Variants in CAMTA1 observed in about 807,000 individuals in gnomAD.
CAMTA1 encodes the protein calmodulin binding transcription activator 1.
Under a neutral mutation model 170.9 loss-of-function variants are expected in CAMTA1, and 27 were observed. That is an observed-to-expected ratio of 0.16 (90% CI 0.12 to 0.22). The LOEUF (loss-of-function observed/expected upper bound fraction) is 0.22, where lower values mean the gene tolerates loss of function less well. Among genes scored for constraint, CAMTA1 ranks in the 10% least tolerant of loss-of-function variants. The pLI, the probability that CAMTA1 is intolerant of heterozygous loss-of-function variation, is 1.00. For missense variants in CAMTA1, 1,619 were observed against 2,217.2 expected, an observed-to-expected ratio of 0.73 and a Z score of 5.42; for synonymous variants, 833 against 891.5, an observed-to-expected ratio of 0.93 and a Z score of 1.17.
intron 4 of CAMTA1, among the ~76,000 whole-genome samples, chr1:7,102,655 C>T (rs989815594): frequency 2.0e-5 from 3 of 152,094 alleles, no homozygotes; most frequent in Non-Finnish European, 2.9e-5. Flanking sequence ...CAGCCTGCAC[C>T]GTGAAATGTG....
rs367848023 is a variant in CAMTA1 at position 7,732,538 on chromosome 1, C to G, written c.3005C>G (p.Ala1002Gly). 1 of 1,613,446 alleles carries G rather than the reference C, an allele frequency of 6.2e-7. No individual in the cohort carries two copies. Among genetic ancestry groups the G allele is most frequent in the Non-Finnish European group, 8.5e-7 (1 of 1,179,912 alleles). Reference protein sequence around the residue: ...EMTGSQQHKQASGGGSSGGGS... With the variant: ...EMTGSQQHKQGSGGGSSGGGS... ...ACGGGGTCCCAGCAGCACAAACAGG[C>G]GAGCGGAGGCGGCAGCAGTGGAGGC... Residue 1002 changes from alanine (A) to glycine (G), a missense_variant, in exon 12 of 23, where the codon GCG becomes GGG. Physicochemically the swap from Ala to Gly is moderately conservative, Grantham distance 60 (BLOSUM62 0). Coordinates refer to ENST00000303635, the MANE Select transcript of CAMTA1 (RefSeq NM_015215.4). The surrounding 1 kb of genome is among the most constrained non-coding windows in gnomAD (Gnocchi z 4.1).
chr1:7,037,525 G>A lies in CAMTA1; in HGVS notation c.235-53779G>A, dbSNP rs546938690. Among the ~76,000 whole-genome samples, 205 of 152,286 alleles carry A rather than the reference G, an allele frequency of 1.3e-3. 2 individuals are homozygous for A. Among genetic ancestry groups the A allele is most frequent in the Non-Finnish European group, 2.5e-3 (168 of 68,034 alleles). ...TATGCTACTTCGAAAAATGGACAGT[G>A]TTTTCGTTAAGTTTTAGATAAATTT... On this transcript the variant is annotated intron_variant, in intron 3 of 22. Coordinates refer to ENST00000303635, the MANE Select transcript of CAMTA1 (RefSeq NM_015215.4).
intron 6 of CAMTA1, among the ~76,000 whole-genome samples, chr1:7,601,543 G>A (rs1435459644): frequency 3.9e-5 from 6 of 152,244 alleles, no homozygotes; most frequent in African/African-American, 1.4e-4. Context: ...CAGGGTGGCG[G>A]CCGGGCAGAG....
chr1:6,828,217 A>T (rs1647972145), intron 3 of CAMTA1, among the ~76,000 whole-genome samples: 1 of 150,186 alleles, frequency 6.7e-6, no homozygotes, highest in Admixed American at 6.6e-5. Context: ...CTGTGTTTAA[A>T]TATTTGTGAT....
chr1:7,424,296 G>A (rs2091753714), intron 5 of CAMTA1, among the ~76,000 whole-genome samples: 2 of 152,104 alleles, frequency 1.3e-5, no homozygotes, highest in South Asian at 4.1e-4. Flanking sequence ...CCAAATTAGA[G>A]GTCCTCCCCA....
rs1285071931 is a variant in CAMTA1, at chr1:7,736,540, G to A, written c.3263G>A (p.Arg1088His). The A allele has an allele frequency of 6.2e-7, 1 of 1,613,646 alleles. No homozygotes were observed. Among genetic ancestry groups the A allele is most frequent in the Non-Finnish European group, 8.5e-7 (1 of 1,179,726 alleles). The change falls in exon 13 of 23, where the codon CGT becomes CAT. Residue 1088 changes from arginine to histidine, a missense_variant and splice_region_variant. By Grantham distance (29) the Arg-to-His change is conservative. Transcript: ENST00000303635. This position sits in a 1 kb window ranked among gnomAD's most constrained non-coding sequence, Gnocchi z 4.5. The part of the protein sequence containing the change: ...ATLIQTLIKW[R>H]TKHADSIDLE... Reference sequence around the variant, plus strand: ...CTAATCCAGACCCTCATCAAATGGCGGTAAGGCTGTGGTGCAGCTGGCTGG... The same window carrying A: ...CTAATCCAGACCCTCATCAAATGGCAGTAAGGCTGTGGTGCAGCTGGCTGG...
chr1:7,044,079 C>T lies in CAMTA1; in HGVS notation c.235-47225C>T, dbSNP rs1335499597. On this transcript the variant is annotated intron_variant, in intron 3 of 22. Transcript: ENST00000303635. This position sits in a 1 kb window ranked among gnomAD's most constrained non-coding sequence, Gnocchi z 5.0. ...AGCGGAGGTCAGGAGCAGTGATCTACGGGAGATGCTGCCGCCATCCCCTTC... is the reference window on the plus strand; with the variant it reads ...AGCGGAGGTCAGGAGCAGTGATCTATGGGAGATGCTGCCGCCATCCCCTTC... Among the ~76,000 whole-genome samples, 4 of 152,208 alleles carry T rather than the reference C, an allele frequency of 2.6e-5. No individual in the cohort carries two copies. The highest frequency in any genetic ancestry group is 6.5e-5 in the Admixed American group (1 of 15,284).
chr1:7,447,177 G>A (rs1410093500), intron 5 of CAMTA1, among the ~76,000 whole-genome samples: 1 of 152,116 alleles, frequency 6.6e-6, no homozygotes, highest in Non-Finnish European at 1.5e-5. Context: ...ACTGCCCCTG[G>A]CTGAGAACAT....
In CAMTA1 at chr1:7,063,440, T is replaced by C. The variant is rs1430665463; in HGVS notation, c.235-27864T>C. Among the ~76,000 whole-genome samples the C allele has an allele frequency of 6.6e-6, 1 of 152,142 alleles. No individual in the cohort carries two copies. Among genetic ancestry groups the C allele is most frequent in the Non-Finnish European group, 1.5e-5 (1 of 68,018 alleles). On this transcript the variant is annotated intron_variant, in intron 3 of 22. Coordinates refer to ENST00000303635, the MANE Select transcript of CAMTA1 (RefSeq NM_015215.4). This position sits in a 1 kb window ranked among gnomAD's most constrained non-coding sequence, Gnocchi z 4.3. ...TAGCAGGGCATCTCTGGAGAGAATG[T>C]TCCACGGAGCACACCTCGGGAAACA...
intron 6 of CAMTA1, among the ~76,000 whole-genome samples, chr1:7,499,462 G>A (rs1252946945): frequency 7.2e-6 from 1 of 138,906 alleles, no homozygotes; most frequent in Non-Finnish European, 1.5e-5. Context: ...GTGTGTGTGT[G>A]TGCATGTGTG....
At chr1:7,730,908 ATC>A (rs34139853) in intron 11 of CAMTA1, among the ~76,000 whole-genome samples, 3 of 144,074 alleles carry the variant, frequency 2.1e-5, no homozygotes, top group Admixed American at 7.0e-5. Context: ...CAAAGTCTCA[ATC>A]TCTCTCTCTC....
intron 5 of CAMTA1, among the ~76,000 whole-genome samples, chr1:7,314,326 G>A (rs1256372483): frequency 1.3e-5 from 2 of 152,122 alleles, no homozygotes; most frequent in African/African-American, 2.4e-5. Context: ...TATTATCTGG[G>A]TCAAAGGCCA....
At chr1:7,198,778 C>G (rs555942243) in intron 4 of CAMTA1, among the ~76,000 whole-genome samples, 42 of 152,212 alleles carry the variant, frequency 2.8e-4, no homozygotes, top group African/African-American at 9.4e-4. Flanking sequence ...CAGATCTTCC[C>G]TGACCCTGGC....
chr1:7,741,751 C>T (rs1409480725), intron 16 of CAMTA1, among the ~76,000 whole-genome samples: 5 of 151,910 alleles, frequency 3.3e-5, no homozygotes, highest in Middle Eastern at 6.8e-3. Context: ...AAAAATTAGC[C>T]AGGTGTGTTG....
chr1:7,621,879 T>G (rs1375628700), intron 6 of CAMTA1, among the ~76,000 whole-genome samples: 6 of 152,214 alleles, frequency 3.9e-5, no homozygotes, highest in Non-Finnish European at 8.8e-5. Context: ...CCAGCTCAGC[T>G]CGGCCACGTC....
chr1:7,727,185 C>A (rs1279485069), intron 11 of CAMTA1, among the ~76,000 whole-genome samples: 1 of 148,530 alleles, frequency 6.7e-6, no homozygotes, highest in East Asian at 2.0e-4. Context: ...TGCAGTGGCG[C>A]GATCTCGGCT....
At position 7,010,249 on chromosome 1, in the gene CAMTA1, G is replaced by A. The variant is rs2100764627; in HGVS notation, c.235-81055G>A. ...TTGACTGAGCTCATGGTCAGGGAGT[G>A]TCAGAACGAGGACCAGGACCCCAGG... is the stretch of plus-strand genomic sequence containing the variant. On this transcript the variant is annotated intron_variant, in intron 3 of 22. Coordinates refer to ENST00000303635, the MANE Select transcript of CAMTA1 (RefSeq NM_015215.4). The surrounding 1 kb of genome is among the most constrained non-coding windows in gnomAD (Gnocchi z 4.4). 6.6e-6 allele frequency among the ~76,000 whole-genome samples: 1 copy of A among 152,298 alleles called. No individual in the cohort carries two copies. The highest frequency in any genetic ancestry group is 1.5e-5 in the Non-Finnish European group (1 of 68,022).
chr1:7,718,121 G>A (rs1430110650), intron 11 of CAMTA1, among the ~76,000 whole-genome samples: 16 of 151,866 alleles, frequency 1.1e-4, no homozygotes, highest in Non-Finnish European at 1.5e-5. Context: ...TTGTAGTCCC[G>A]GTGGCTAACA....
chr1:7,313,331 C>T (rs893632679), intron 5 of CAMTA1, among the ~76,000 whole-genome samples: 1 of 152,318 alleles, frequency 6.6e-6, no homozygotes, highest in East Asian at 1.9e-4. Flanking sequence ...TGAGTCCTGG[C>T]GGTACTCTGC....
Sources: allele counts gnomAD v4.1 joint callset (sites outside exome capture counted in the v4.1 genomes callset), GRCh38; gene constraint gnomAD v4.1.1; non-coding constraint Gnocchi (gnomAD v3.1); transcripts MANE v1.5; gene names NCBI Gene and HGNC (gene_info 2026-07-23, HGNC 2026-07-21).